The following MGAT5B variants were observed in gnomAD, a reference collection of about 807,000 sequenced individuals.
MGAT5B encodes the protein N-acetylglucosaminyl-transferase Vb.
A neutral mutation model predicts 95.1 loss-of-function variants in MGAT5B; 54 were observed. That is an observed-to-expected ratio of 0.57 (90% CI 0.46 to 0.71). The LOEUF (loss-of-function observed/expected upper bound fraction) is 0.71, where lower values mean the gene tolerates loss of function less well. Ranked by LOEUF, MGAT5B falls within the 30% of genes least tolerant of loss-of-function variation. MGAT5B has a pLI of 0.00. For synonymous variants in MGAT5B, 464 were observed against 451.0 expected (o/e 1.03, Z -0.36); for missense variants, 935 against 1,088.6 (o/e 0.86, Z 1.99).
chr17:76,924,780 G>C (rs1425554331), intron 8 of MGAT5B, among the ~76,000 whole-genome samples, 186 bp from the exon 9 acceptor site: 1 of 152,200 alleles, frequency 6.6e-6, no homozygotes, highest in Non-Finnish European at 1.5e-5. Flanking sequence ...CCTGCCCCTT[G>C]CTGGATTGCC....
chr17:76,896,076 C>T (rs1319739772), intron 3 of MGAT5B, among the ~76,000 whole-genome samples: 1 of 152,208 alleles, frequency 6.6e-6, no homozygotes, highest in Non-Finnish European at 1.5e-5. Context: ...GCCCTGTGTT[C>T]CCCAGACCAC....
intron 3 of MGAT5B, among the ~76,000 whole-genome samples, chr17:76,891,807 G>A (rs2145158723): frequency 6.6e-6 from 1 of 152,298 alleles, no homozygotes; most frequent in South Asian, 2.1e-4. Context: ...TCCTTTGACA[G>A]ACAAGGGAGC....
In MGAT5B at chr17:76,881,469, C is replaced by T. The variant is rs190026799; in HGVS notation, c.182-682C>T. On this transcript the variant is annotated intron_variant, in intron 2 of 17. Transcript: ENST00000569840. ...GGATGGGGAAGAGATGGAGTTAGGG[C>T]CCAGAGGCCGGGCAGGAGAAGGAGG... Among the ~76,000 whole-genome samples, 131 of 152,292 alleles carry T rather than the reference C, an allele frequency of 8.6e-4. 1 individual carries two copies. Among genetic ancestry groups the T allele is most frequent in the African/African-American group, 2.9e-3 (120 of 41,548 alleles).
chr17:76,885,944 T>TAATTTCTA (rs1967613689), intron 3 of MGAT5B, among the ~76,000 whole-genome samples: 5 of 108,276 alleles, frequency 4.6e-5, no homozygotes, highest in Admixed American at 3.8e-4. Flanking sequence ...AGAAATTTCC[T>TAATTTCTA]GTGGCTTAAA....
chr17:76,924,721 C>T (rs1969242164), intron 8 of MGAT5B, among the ~76,000 whole-genome samples: 1 of 152,200 alleles, frequency 6.6e-6, no homozygotes, highest in South Asian at 2.1e-4. Context: ...TTCTTCCTGG[C>T]AGGTAACCCA....
Position 76,938,397 on chromosome 17 carries a change from A to T in MGAT5B, c.1584+254A>T, listed in dbSNP as rs2145271014. 6.6e-6 allele frequency among the ~76,000 whole-genome samples: 1 copy of T among 152,232 alleles called. No homozygotes were observed. The highest frequency in any genetic ancestry group is 1.9e-4 in the East Asian group (1 of 5,160). ...GCAGAGCCGTGGCTCAGTGATGGGG[A>T]AGTAGAGTTGGACTGCCCATCCTCC... On this transcript the variant is annotated intron_variant, in intron 13 of 17. Transcript: ENST00000569840. This position sits in a 1 kb window ranked among gnomAD's most constrained non-coding sequence, Gnocchi z 4.3.
intron 8 of MGAT5B, among the ~76,000 whole-genome samples, chr17:76,922,656 C>T (rs1371504860): frequency 6.6e-6 from 1 of 152,186 alleles, no homozygotes; most frequent in Non-Finnish European, 1.5e-5. Context: ...CCTTTGTTTT[C>T]TGGGTATTTC....
At chr17:76,902,738 C>A in intron 4 of MGAT5B, 68 bp downstream of exon 4, 1 of 633,498 alleles carries the variant, frequency 1.6e-6, no homozygotes, top group Non-Finnish European at 2.8e-6. Flanking sequence ...TGGGTGGGCC[C>A]TGGGAGGGTG....
In MGAT5B at chr17:76,937,966, TCTC is replaced by T. The variant is rs1200476930; in HGVS notation, c.1429-15_1429-13del. ...TTCTGTGGTTTGCATGTGGTTCCCA[TCTC>T]CTCCTCTTCTTTTTCCAGGGGAAGG... On this transcript the variant is annotated intron_variant, in intron 12 of 17. Transcript: ENST00000569840. The T allele has an allele frequency of 3.1e-6, 5 of 1,610,716 alleles. No homozygotes were observed. In the African/African-American group the frequency reaches 4.0e-5, roughly 13 times the overall value.
At chr17:76,886,746 C>G (rs1827986810) in intron 3 of MGAT5B, among the ~76,000 whole-genome samples, 1 of 152,076 alleles carries the variant, frequency 6.6e-6, no homozygotes, top group Non-Finnish European at 1.5e-5. Flanking sequence ...TTTGATGGCT[C>G]TAAAGACCAC....
chr17:76,880,508 C>T (rs186617995), intron 2 of MGAT5B, among the ~76,000 whole-genome samples: 4 of 152,312 alleles, frequency 2.6e-5, no homozygotes, highest in East Asian at 1.9e-4. Context: ...CCGCTGGCTG[C>T]CCCTGCTCCG....
chr17:76,887,497 T>TCCCTCCCTCCCTCCCTCCCTC (rs1967692517), intron 3 of MGAT5B, among the ~76,000 whole-genome samples: 2 of 30,610 alleles, frequency 6.5e-5, no homozygotes, highest in Non-Finnish European at 1.1e-4. Flanking sequence ...CTCCCTCCCT[T>TCCCTCCCTCCCTCCCTCCCTC]CCTCTCTCCC....
rs1196116284 is a variant in MGAT5B at position 76,915,500 on chromosome 17, A to G, written c.1025+9313A>G. The stretch of plus-strand genomic sequence containing the variant: ...CCCTCGGGCTCTACCAGGGTTTGTA[A>G]TATGCTATCCCTCGAAACAAACAGG... On this transcript the variant is annotated intron_variant, in intron 8 of 17. Coordinates refer to ENST00000569840, the MANE Select transcript of MGAT5B (RefSeq NM_001199172.2). This position sits in a 1 kb window ranked among gnomAD's most constrained non-coding sequence, Gnocchi z 8.7. Among the ~76,000 whole-genome samples the G allele has an allele frequency of 6.6e-6, 1 of 152,196 alleles. No individual in the cohort carries two copies. Among genetic ancestry groups the G allele is most frequent in the African/African-American group, 2.4e-5 (1 of 41,454 alleles).
At chr17:76,880,735 C>G (rs1219187894) in intron 2 of MGAT5B, among the ~76,000 whole-genome samples, 1 of 152,122 alleles carries the variant, frequency 6.6e-6, no homozygotes, top group Non-Finnish European at 1.5e-5. Flanking sequence ...GGTGGGGAGA[C>G]TGCAGTGTGT....
At chr17:76,904,199 C>T (rs1047104746) in intron 5 of MGAT5B, 53 bp from the exon 6 acceptor site, 20 of 1,539,206 alleles carry the variant, frequency 1.3e-5, no homozygotes, top group Middle Eastern at 4.1e-4. Context: ...GGGGAGTCCC[C>T]GAGGGTCAGT....
rs1031331135 is a variant in MGAT5B, at chr17:76,889,876, C to T, written c.329+7578C>T. Among the ~76,000 whole-genome samples the T allele has an allele frequency of 1.1e-4, 16 of 152,158 alleles. No individual in the cohort carries two copies. Among genetic ancestry groups the T allele is most frequent in the Non-Finnish European group, 1.8e-4 (12 of 68,018 alleles). On this transcript the variant is annotated intron_variant, in intron 3 of 17. Coordinates refer to ENST00000569840, the MANE Select transcript of MGAT5B (RefSeq NM_001199172.2). The surrounding 1 kb of genome is among the most constrained non-coding windows in gnomAD (Gnocchi z 4.4). ...CCCAAGTTCCCAGTGCAGTCCCTGC[C>T]GGGCTGGGAGGGAGGTGGGACCCTT...
At chr17:76,920,671 ACTC>A (rs932814815) in intron 8 of MGAT5B, among the ~76,000 whole-genome samples, 2 of 150,804 alleles carry the variant, frequency 1.3e-5, no homozygotes, top group South Asian at 2.1e-4. Flanking sequence ...CTTCTCCTTA[ACTC>A]CTCCTGGGAA....
rs1294986853 is a variant in MGAT5B at position 76,870,222 on chromosome 17, C to T, written c.68+1125C>T. On this transcript the variant is annotated intron_variant, in intron 1 of 17. Coordinates refer to ENST00000569840, the MANE Select transcript of MGAT5B (RefSeq NM_001199172.2). This position sits in a 1 kb window ranked among gnomAD's most constrained non-coding sequence, Gnocchi z 5.0. ...CGGGGAGACGGTGGCTCACCTGGAG[C>T]CCGCCTCCCAGCACACCGGGCCTGT... is the stretch of plus-strand genomic sequence containing the variant. Among the ~76,000 whole-genome samples the T allele has an allele frequency of 2.0e-5, 3 of 152,190 alleles. No individual in the cohort carries two copies. The highest frequency in any genetic ancestry group is 7.2e-5 in the African/African-American group (3 of 41,452).
intron 3 of MGAT5B, among the ~76,000 whole-genome samples, chr17:76,885,815 C>T (rs1441614400): frequency 1.3e-5 from 2 of 152,202 alleles, no homozygotes; most frequent in Non-Finnish European, 2.9e-5. Context: ...GCCCCCTCCG[C>T]ACCCTGAACC....
Sources: gnomAD v4.1 joint callset for allele counts (sites outside exome capture counted in the v4.1 genomes callset) on GRCh38, gnomAD v4.1.1 for gene constraint, Gnocchi (gnomAD v3.1) non-coding constraint, MANE v1.5 for transcripts, NCBI Gene and HGNC (gene_info 2026-07-23, HGNC 2026-07-21) for gene names.